GSE1: variants seen among roughly 807,000 people sequenced by gnomAD.
GSE1 encodes the protein genetic suppressor element 1.
A neutral mutation model predicts 112.6 loss-of-function variants in GSE1; 32 were observed. That is an observed-to-expected ratio of 0.28 (90% CI 0.21 to 0.38). GSE1 has a LOEUF of 0.38. Among genes scored for constraint, GSE1 ranks in the 10% least tolerant of loss-of-function variants. The pLI is 1.00. For synonymous variants in GSE1, 1,115 were observed against 735.6 expected (o/e 1.52, Z -8.35); for missense variants, 2,348 against 1,699.2 (o/e 1.38, Z -6.71).
chr16:85,198,304 G>C (rs748600808), intron 1 of GSE1, among the ~76,000 whole-genome samples: 5 of 152,188 alleles, frequency 3.3e-5, no homozygotes, highest in Non-Finnish European at 5.9e-5. Context: ...TCCTCTCTAC[G>C]GACGAGGTCA....
At chr16:85,251,909 C>G (rs1906527287) in intron 1 of GSE1, among the ~76,000 whole-genome samples, 1 of 152,204 alleles carries the variant, frequency 6.6e-6, no homozygotes, top group African/African-American at 2.4e-5. Flanking sequence ...TCAGAGCCAG[C>G]CACTACCTGG....
At chr16:85,557,806 CTCCTGGAGGAAA>C (rs1001949117) in intron 1 of GSE1, among the ~76,000 whole-genome samples, 1 of 150,750 alleles carries the variant, frequency 6.6e-6, no homozygotes, top group Non-Finnish European at 1.5e-5. Context: ...GGAGAGACTC[CTCCTGGAGGAAA>C]TCTGTACTTT....
intron 1 of GSE1, among the ~76,000 whole-genome samples, chr16:85,279,823 T>C (rs1351992416): frequency 6.6e-6 from 1 of 152,126 alleles, no homozygotes; most frequent in Non-Finnish European, 1.5e-5. Context: ...CTCCCCTGCC[T>C]GAGTGAGGAT....
At chr16:85,473,781 G>T (rs570340743) in intron 2 of GSE1, among the ~76,000 whole-genome samples, 153 of 148,856 alleles carry the variant, frequency 1.0e-3, no homozygotes, top group African/African-American at 3.7e-3. Flanking sequence ...CGGGGCGGAG[G>T]GGGGGTCACC....
rs1239094916 is a variant in GSE1, at chr16:85,674,551, G to A, written c.*2012G>A. On this transcript the variant is annotated 3_prime_UTR_variant, in exon 16 of 16. Coordinates refer to ENST00000253458, the MANE Select transcript of GSE1 (RefSeq NM_014615.5). The stretch of plus-strand genomic sequence containing the variant: ...AAAACCTACTTGAGGTTTCTGGTCT[G>A]AAGGCTTAAGAGTCACATCTTAGCA... 6.6e-6 allele frequency: 1 copy of A among 152,224 alleles called. No homozygotes were observed. Among genetic ancestry groups the A allele is most frequent in the African/African-American group, 2.4e-5 (1 of 41,448 alleles). The allele number at this position is 152,224 out of a possible 1,614,324, so 9.4% of individuals were successfully genotyped here. A position where few individuals can be genotyped will look rare whatever the true frequency, so the allele number is the denominator to read the frequency against.
chr16:85,445,820 C>T (rs1266726538), intron 2 of GSE1, among the ~76,000 whole-genome samples: 3 of 152,180 alleles, frequency 2.0e-5, no homozygotes, highest in Non-Finnish European at 4.4e-5. Context: ...GGGATTTCTG[C>T]TGGGGGCCCG....
Position 85,654,329 on chromosome 16 carries a change from C to A in GSE1, c.478C>A (p.Pro160Thr). ...AGGTCGGGAACGCCTCATTGTGGAGCCCCCGCTCCCTCAGGAGAAGGCAGG... is the reference window on the plus strand; with the variant it reads ...AGGTCGGGAACGCCTCATTGTGGAGACCCCGCTCCCTCAGGAGAAGGCAGG... ...SGGRERLIVEPPLPQEKAGGP... is the reference protein window; with the variant it reads ...SGGRERLIVETPLPQEKAGGP... The change falls in exon 4 of 16, where the codon CCC (proline) becomes ACC (threonine). Residue 160 changes from proline (P) to threonine (T), a missense_variant. By Grantham distance (38) the Pro-to-Thr change is conservative. Transcript: ENST00000253458. The A allele has an allele frequency of 6.2e-7, 1 of 1,611,182 alleles. No homozygotes were observed. The highest frequency in any genetic ancestry group is 8.5e-7 in the Non-Finnish European group (1 of 1,179,312).
At chr16:85,536,257 TG>T in intron 2 of GSE1, among the ~76,000 whole-genome samples, 1 of 152,234 alleles carries the variant, frequency 6.6e-6, no homozygotes, top group African/African-American at 2.4e-5. Context: ...TTTAGGGAAG[TG>T]GGTGGTGCTC....
chr16:85,482,500 T>TCC (rs35856605), intron 2 of GSE1, among the ~76,000 whole-genome samples: 1,790 of 148,322 alleles, frequency 0.012, 34 homozygotes, highest in African/African-American at 0.042. Flanking sequence ...GTGACTCAGT[T>TCC]CCCCCCCCAA....
chr16:85,377,884 C>T (rs2047455088), intron 2 of GSE1, among the ~76,000 whole-genome samples: 1 of 152,386 alleles, frequency 6.6e-6, no homozygotes, highest in Admixed American at 6.5e-5. Flanking sequence ...CACCAGCATC[C>T]ACCTCCTGGT....
chr16:85,652,542 T>G (rs988028186), intron 3 of GSE1, among the ~76,000 whole-genome samples: 4 of 136,018 alleles, frequency 2.9e-5, no homozygotes, highest in South Asian at 2.6e-4. Flanking sequence ...CATTGAAGAT[T>G]CCAGGCGGCG....
chr16:85,602,087 C>T (rs971928014), intron 1 of GSE1, among the ~76,000 whole-genome samples: 2 of 152,204 alleles, frequency 1.3e-5, no homozygotes, highest in Admixed American at 6.5e-5. Flanking sequence ...CCCCACCGTC[C>T]AGGGAAGTTG....
At chr16:85,535,821 G>A (rs2044306569) in intron 2 of GSE1, among the ~76,000 whole-genome samples, 1 of 152,242 alleles carries the variant, frequency 6.6e-6, no homozygotes, top group African/African-American at 2.4e-5. Context: ...CGCAGGGCCA[G>A]CGGACCTTCT....
At chr16:85,576,522 T>C (rs1367006154) in intron 1 of GSE1, among the ~76,000 whole-genome samples, 2 of 152,184 alleles carry the variant, frequency 1.3e-5, no homozygotes, top group East Asian at 3.9e-4. Flanking sequence ...ACCTGACATC[T>C]GGGCCGCATG....
rs150488335 is a variant in GSE1, at chr16:85,294,171, G to A, written c.2284-63292G>A. ...CTCTCCAGCTGCAGATGAGATCCCC[G>A]GGGTCCCTTCTGCCTCCTTCCCTCC... On this transcript the variant is annotated intron_variant, in intron 1 of 2. Transcript: ENST00000637419. Among the ~76,000 whole-genome samples, 431 of 152,250 alleles carry A rather than the reference G, an allele frequency of 2.8e-3. 6 individuals are homozygous for A. Among genetic ancestry groups the A allele is most frequent in the African/African-American group, 9.7e-3 (404 of 41,550 alleles).
intron 2 of GSE1, among the ~76,000 whole-genome samples, chr16:85,507,349 C>T (rs911901920): frequency 1.3e-5 from 2 of 152,172 alleles, no homozygotes; most frequent in African/African-American, 4.8e-5. Flanking sequence ...CAAGGCCAAA[C>T]CCCACTCGTC....
intron 1 of GSE1, among the ~76,000 whole-genome samples, chr16:85,236,310 T>A (rs1449900961): frequency 1.3e-5 from 2 of 152,190 alleles, no homozygotes; most frequent in Non-Finnish European, 2.9e-5. Context: ...TGCTGACTTC[T>A]GTGTAAAAGT....
intron 2 of GSE1, among the ~76,000 whole-genome samples, chr16:85,541,094 G>T (rs1051044620): frequency 2.0e-5 from 3 of 152,114 alleles, no homozygotes; most frequent in Non-Finnish European, 2.9e-5. Context: ...GGAGCAGCAG[G>T]CATTTTGTCC....
At chr16:85,573,269 G>T (rs1005728968) in intron 1 of GSE1, among the ~76,000 whole-genome samples, 6 of 152,148 alleles carry the variant, frequency 3.9e-5, no homozygotes, top group African/African-American at 1.4e-4. Flanking sequence ...GTGACTACGG[G>T]TGCGCTGCAC....
Sources: allele counts gnomAD v4.1 joint callset (sites outside exome capture counted in the v4.1 genomes callset), GRCh38; gene constraint gnomAD v4.1.1; transcripts MANE v1.5; gene names NCBI Gene and HGNC (gene_info 2026-07-23, HGNC 2026-07-21).